PIK3CB: variants seen among roughly 807,000 people sequenced by gnomAD.
PIK3CB encodes phosphatidylinositol 4,5-bisphosphate 3-kinase catalytic subunit beta isoform.
In PIK3CB, 39 loss-of-function variants were observed where a neutral mutation model predicts 136.8. The ratio of observed to expected loss-of-function variants is 0.29; its 90% confidence interval spans 0.22 to 0.37. The LOEUF is 0.37. Among genes scored for constraint, PIK3CB ranks in the 10% least tolerant of loss-of-function variants. The pLI, the probability that PIK3CB is intolerant of heterozygous loss-of-function variation, is 1.00. For synonymous variants in PIK3CB, 428 were observed against 436.6 expected (o/e 0.98, Z 0.25); for missense variants, 868 against 1,275.4 (o/e 0.68, Z 4.87).
intron 4 of PIK3CB, among the ~76,000 whole-genome samples, chr3:138,753,910 C>T (rs967591899): frequency 1.3e-5 from 2 of 152,170 alleles, no homozygotes; most frequent in African/African-American, 4.8e-5. Context: ...GGTTTGCTTT[C>T]TTACATTAGC....
At chr3:138,752,801 TA>T (rs904372807) in intron 4 of PIK3CB, among the ~76,000 whole-genome samples, 1 of 151,234 alleles carries the variant, frequency 6.6e-6, no homozygotes, top group African/African-American at 2.4e-5. Context: ...GTTGCCAGGT[TA>T]AAAAAAAACA....
chr3:138,817,274 G>A (rs1261066876), intron 1 of PIK3CB, among the ~76,000 whole-genome samples: 1 of 152,124 alleles, frequency 6.6e-6, no homozygotes. Context: ...GGGGGGCGGA[G>A]CCTGCAGTGA....
chr3:138,789,713 G>C (rs1158473701), intron 2 of PIK3CB, among the ~76,000 whole-genome samples: 1 of 147,902 alleles, frequency 6.8e-6, no homozygotes, highest in Non-Finnish European at 1.5e-5. Flanking sequence ...TTTTTTTTTG[G>C]AGACGGAGTC....
chr3:138,728,210 C>G (rs1018589335), intron 8 of PIK3CB, among the ~76,000 whole-genome samples: 1 of 152,098 alleles, frequency 6.6e-6, no homozygotes, highest in African/African-American at 2.4e-5. Flanking sequence ...ATAAATAATA[C>G]CAGTCCAACT....
At chr3:138,742,987 C>A (rs1053934076) in intron 4 of PIK3CB, among the ~76,000 whole-genome samples, 2 of 151,982 alleles carry the variant, frequency 1.3e-5, no homozygotes, top group African/African-American at 4.8e-5. Context: ...GACAAACATA[C>A]AATTATATTT....
intron 1 of PIK3CB, among the ~76,000 whole-genome samples, chr3:138,808,204 T>G (rs1443183983): frequency 6.6e-6 from 1 of 152,096 alleles, no homozygotes; most frequent in Non-Finnish European, 1.5e-5. Flanking sequence ...TTTCTAACTA[T>G]AAAACTTCTG....
At chr3:138,674,105 A>C (rs560905480) in intron 19 of PIK3CB, among the ~76,000 whole-genome samples, 2 of 151,956 alleles carry the variant, frequency 1.3e-5, no homozygotes, top group East Asian at 3.9e-4. Flanking sequence ...TTAAAAGGAA[A>C]AGGTAGGTAA....
chr3:138,720,332 C>G (rs892473308), intron 8 of PIK3CB, among the ~76,000 whole-genome samples: 5 of 152,176 alleles, frequency 3.3e-5, no homozygotes, highest in Non-Finnish European at 7.3e-5. Context: ...TTAATACATT[C>G]CCAAAGGAAA....
intron 4 of PIK3CB, among the ~76,000 whole-genome samples, chr3:138,753,585 C>T (rs937077598): frequency 2.6e-5 from 4 of 151,996 alleles, no homozygotes; most frequent in African/African-American, 9.7e-5. Flanking sequence ...AATCCTAGCA[C>T]TTTGGGAGGC....
chr3:138,707,575 G>A, intron 10 of PIK3CB: 1 of 1,156,868 alleles, frequency 8.6e-7, no homozygotes, highest in Non-Finnish European at 1.1e-6. Context: ...ACTTTAATTG[G>A]AACTGCTCTC....
At chr3:138,793,025 G>C (rs1382924201) in intron 2 of PIK3CB, among the ~76,000 whole-genome samples, 1 of 152,180 alleles carries the variant, frequency 6.6e-6, no homozygotes, top group African/African-American at 2.4e-5. Flanking sequence ...TTAGTGGTGA[G>C]GTTGGGATCC....
chr3:138,749,662 C>A (rs2045429574), intron 4 of PIK3CB, among the ~76,000 whole-genome samples: 1 of 152,182 alleles, frequency 6.6e-6, no homozygotes, highest in African/African-American at 2.4e-5. Flanking sequence ...CCATTCTTCA[C>A]ATGTGCCATT....
chr3:138,770,717 T>C (rs886688776), intron 2 of PIK3CB, among the ~76,000 whole-genome samples: 13 of 152,164 alleles, frequency 8.5e-5, no homozygotes, highest in African/African-American at 2.4e-4. Flanking sequence ...TCTTTTGTTT[T>C]TGTTTTTGTT....
chr3:138,732,615 T>A (rs750233279), intron 8 of PIK3CB, among the ~76,000 whole-genome samples: 1 of 149,828 alleles, frequency 6.7e-6, no homozygotes, highest in Non-Finnish European at 1.5e-5. Flanking sequence ...GATTGAGCAA[T>A]AAACCCCCAT....
intron 10 of PIK3CB, 139 bp from the exon 11 acceptor site, chr3:138,707,428 A>T: frequency 7.3e-7 from 1 of 1,371,132 alleles, no homozygotes; most frequent in Non-Finnish European, 9.3e-7. Context: ...TTCTATCAGT[A>T]ATCCTCTAAT....
In PIK3CB at chr3:138,694,840, T is replaced by C. The variant is rs1389187556; in HGVS notation, c.1838A>G (p.Asn613Ser). ...TTCTCGAACGTACTGGTCTGGATAGTTGAAATCCAGAAGCTCTAGGGCCTC... is the reference window on the plus strand; with the variant it reads ...TTCTCGAACGTACTGGTCTGGATAGCTGAAATCCAGAAGCTCTAGGGCCTC... ...PREALELLDF[N>S]YPDQYVREYA... Residue 613 changes from asparagine (N) to serine (S), a missense_variant, in exon 14 of 24, where the codon AAC becomes AGC. Asn to Ser is a conservative substitution (Grantham distance 46, BLOSUM62 1). Transcript: ENST00000674063. The C allele has an allele frequency of 1.9e-6, 3 of 1,613,076 alleles. No homozygotes were observed. The highest frequency in any genetic ancestry group is 2.5e-6 in the Non-Finnish European group (3 of 1,179,458).
chr3:138,805,288 G>A (rs1024465420), intron 1 of PIK3CB, among the ~76,000 whole-genome samples: 2 of 151,790 alleles, frequency 1.3e-5, no homozygotes, highest in South Asian at 4.2e-4. Context: ...AGCCGAGATC[G>A]TGACACTGCA....
At chr3:138,778,282 T>G (rs895795932) in intron 2 of PIK3CB, 1 of 392,296 alleles carries the variant, frequency 2.5e-6, no homozygotes, top group African/African-American at 2.1e-5. Flanking sequence ...TCTATACCAC[T>G]AACTGCTTAG....
intron 1 of PIK3CB, among the ~76,000 whole-genome samples, chr3:138,834,458 C>T (rs1413031253): frequency 6.6e-6 from 1 of 152,206 alleles, no homozygotes; most frequent in Non-Finnish European, 1.5e-5. Context: ...GGCCGGGGGG[C>T]GCCACTCACC....
Sources: allele counts gnomAD v4.1 joint callset (sites outside exome capture counted in the v4.1 genomes callset), GRCh38; gene constraint gnomAD v4.1.1; transcripts MANE v1.5; gene names NCBI Gene and HGNC (gene_info 2026-07-23, HGNC 2026-07-21).